Variants in DNAJB5 observed in about 807,000 individuals in gnomAD.
DNAJB5 encodes DnaJ heat shock protein family (Hsp40) member B5.
In DNAJB5, 12 loss-of-function variants were observed where a neutral mutation model predicts 32.6. The ratio of observed to expected loss-of-function variants is 0.37; its 90% confidence interval spans 0.24 to 0.60. The LOEUF (loss-of-function observed/expected upper bound fraction) is 0.60, where lower values mean the gene tolerates loss of function less well. Ranked by LOEUF, DNAJB5 falls within the 20% of genes least tolerant of loss-of-function variation. DNAJB5 has a pLI of 0.71. For missense variants in DNAJB5, 358 were observed against 554.2 expected (o/e 0.65, Z 3.55); for synonymous variants, 188 against 212.9 (o/e 0.88, Z 1.02).
chr9:34,997,154 G>A lies in DNAJB5; in HGVS notation c.1158G>A (p.Val386=). 1 of 1,614,132 alleles carries A rather than the reference G, an allele frequency of 6.2e-7. No homozygotes were observed. The highest frequency in any genetic ancestry group is 8.5e-7 in the Non-Finnish European group (1 of 1,180,030). ...GGGAGGGCCTTCCCTTCCCCAAAGT[G>A]CCAACTCAGCGAGGAGACCTCATTG... ...LRGEGLPFPK[V]PTQRGDLIVE... Residue 386 remains valine (V), a synonymous_variant, in exon 5 of 5, where the codon GTG becomes GTA. Coordinates refer to ENST00000682809, the MANE Select transcript of DNAJB5 (RefSeq NM_001349723.3). This position sits in a 1 kb window ranked among gnomAD's most constrained non-coding sequence, Gnocchi z 4.1.
intron 3 of DNAJB5, among the ~76,000 whole-genome samples, chr9:34,994,047 A>C (rs1827727806): frequency 6.6e-6 from 1 of 152,038 alleles, no homozygotes; most frequent in Non-Finnish European, 1.5e-5. Flanking sequence ...ATGGGGTGGG[A>C]GGCAGGAAAG....
At chr9:34,994,593 A>T (rs1185186240) in intron 3 of DNAJB5, among the ~76,000 whole-genome samples, 1 of 152,184 alleles carries the variant, frequency 6.6e-6, no homozygotes, top group Non-Finnish European at 1.5e-5. Context: ...TGCAGACACC[A>T]TGCCACCATG....
At position 34,996,938 on chromosome 9, in the gene DNAJB5, G is replaced by A; in HGVS notation, c.1029+72G>A. ...ACATTCCCTCTCTTCCCGCCAGCTGGCACATTCTTTCCCCACCTCAGTCTA... is the reference window on the plus strand; with the variant it reads ...ACATTCCCTCTCTTCCCGCCAGCTGACACATTCTTTCCCCACCTCAGTCTA... On this transcript the variant is annotated intron_variant, in intron 4 of 4. Coordinates refer to ENST00000682809, the MANE Select transcript of DNAJB5 (RefSeq NM_001349723.3). The surrounding 1 kb of genome is among the most constrained non-coding windows in gnomAD (Gnocchi z 7.2). 3.8e-6 allele frequency: 6 copies of A among 1,587,830 alleles called. No homozygotes were observed. The highest frequency in any genetic ancestry group is 5.1e-6 in the Non-Finnish European group (6 of 1,169,066).
chr9:34,996,085 T>C lies in DNAJB5; in HGVS notation c.428-180T>C, dbSNP rs1475100076. 1.3e-5 allele frequency among the ~76,000 whole-genome samples: 2 copies of C among 152,270 alleles called. No individual in the cohort carries two copies. Among genetic ancestry groups the C allele is most frequent in the African/African-American group, 2.4e-5 (1 of 41,540 alleles). ...TGTGCATCGTTATTAAATATATAATTAGGAATGGAAGATAATCTTGCCAGA... is the reference window on the plus strand; with the variant it reads ...TGTGCATCGTTATTAAATATATAATCAGGAATGGAAGATAATCTTGCCAGA... On this transcript the variant is annotated intron_variant, in intron 3 of 4. Coordinates refer to ENST00000682809, the MANE Select transcript of DNAJB5 (RefSeq NM_001349723.3). The surrounding 1 kb of genome is among the most constrained non-coding windows in gnomAD (Gnocchi z 7.2).
intron 2 of DNAJB5, chr9:34,991,357 G>GA: frequency 2.2e-6 from 1 of 456,290 alleles, no homozygotes; most frequent in Non-Finnish European, 4.4e-6. Flanking sequence ...GGCAGATCCT[G>GA]AAAGAGCTTG....
chr9:34,990,232 G>T lies in DNAJB5; in HGVS notation c.-132-267G>T. The T allele has an allele frequency of 7.6e-7, 1 of 1,322,530 alleles. No homozygotes were observed. The highest frequency in any genetic ancestry group is 9.8e-7 in the Non-Finnish European group (1 of 1,018,300). 81.9% of individuals were successfully genotyped at this position (1,322,530 alleles called of 1,614,324 possible). On this transcript the variant is annotated intron_variant, in intron 1 of 4. Transcript: ENST00000682809. This position sits in a 1 kb window ranked among gnomAD's most constrained non-coding sequence, Gnocchi z 4.5. The stretch of plus-strand genomic sequence containing the variant: ...TGCCCCGCCCATCTGCGAGGGAGGA[G>T]ACTCCCGTCAGTGACTTCATTGAGT...
At position 34,997,642 on chromosome 9, in the gene DNAJB5, T is replaced by C. The variant is rs559416357; in HGVS notation, c.*383T>C. ...CTAATACCAGTCCCCTCCCTTCCCT[T>C]TGGCTTCCTGCTGTTGGGGGTGGAA... On this transcript the variant is annotated 3_prime_UTR_variant, in exon 5 of 5. Transcript: ENST00000682809. This position sits in a 1 kb window ranked among gnomAD's most constrained non-coding sequence, Gnocchi z 4.1. The C allele has an allele frequency of 8.3e-6, 3 of 363,272 alleles. No individual in the cohort carries two copies. Among genetic ancestry groups the C allele is most frequent in the Non-Finnish European group, 1.6e-5 (3 of 186,834 alleles). 22.5% of individuals were successfully genotyped at this position (363,272 alleles called of 1,614,324 possible). A position where few individuals can be genotyped will look rare whatever the true frequency, so the allele number is the denominator to read the frequency against.
chr9:34,993,181 G>C lies in DNAJB5; in HGVS notation c.183-19G>C, dbSNP rs756744789. 6.2e-7 allele frequency: 1 copy of C among 1,602,830 alleles called. No homozygotes were observed. ...GGCAGAAGAGAAGGCATCAAGTCTT[G>C]GCCCTGGGTTTCTTTCAGAAACAAG... On this transcript the variant is annotated intron_variant, in intron 2 of 4. Coordinates refer to ENST00000682809, the MANE Select transcript of DNAJB5 (RefSeq NM_001349723.3). The surrounding 1 kb of genome is among the most constrained non-coding windows in gnomAD (Gnocchi z 4.7).
At chr9:34,992,998 A>C in intron 2 of DNAJB5, 2 of 1,402,888 alleles carry the variant, frequency 1.4e-6, no homozygotes, top group African/African-American at 1.4e-5. Context: ...TGAGGACGGA[A>C]TCACAGAATT....
Position 34,996,248 on chromosome 9 carries a change from C to T in DNAJB5, c.428-17C>T, listed in dbSNP as rs1827789291. On this transcript the variant is annotated splice_polypyrimidine_tract_variant and intron_variant, in intron 3 of 4. Transcript: ENST00000682809. This position sits in a 1 kb window ranked among gnomAD's most constrained non-coding sequence, Gnocchi z 7.2. ...CCAGAATAAGCCACACTGCCCCTAACTTCTCCTCCCCTCTAGGCCTGAAGA... is the reference window on the plus strand; with the variant it reads ...CCAGAATAAGCCACACTGCCCCTAATTTCTCCTCCCCTCTAGGCCTGAAGA... 3 of 1,602,828 alleles carry T rather than the reference C, an allele frequency of 1.9e-6. No individual in the cohort carries two copies. The highest frequency in any genetic ancestry group is 2.2e-5 in the South Asian group (2 of 89,552).
rs974429616 is a variant in DNAJB5, at chr9:34,996,113, C to T, written c.428-152C>T. On this transcript the variant is annotated intron_variant, in intron 3 of 4. Coordinates refer to ENST00000682809, the MANE Select transcript of DNAJB5 (RefSeq NM_001349723.3). The surrounding 1 kb of genome is among the most constrained non-coding windows in gnomAD (Gnocchi z 7.2). The stretch of plus-strand genomic sequence containing the variant: ...GAATGGAAGATAATCTTGCCAGAAG[C>T]CTTTCTTACTCTATTAGCCTGGCCC... 8 of 971,884 alleles carry T rather than the reference C, an allele frequency of 8.2e-6. No homozygotes were observed. The highest frequency in any genetic ancestry group is 1.2e-5 in the Non-Finnish European group (8 of 677,630). The allele number at this position is 971,884 out of a possible 1,614,324, so 60.2% of individuals were successfully genotyped here.
chr9:34,995,547 C>T (rs958302051), intron 3 of DNAJB5, among the ~76,000 whole-genome samples: 6 of 152,230 alleles, frequency 3.9e-5, no homozygotes, highest in Non-Finnish European at 8.8e-5. Flanking sequence ...GAGCTCCATT[C>T]CCATTGTAGT....
In DNAJB5 at chr9:34,993,111, C is replaced by A. The variant is rs1041431310; in HGVS notation, c.183-89C>A. 6.1e-6 allele frequency: 9 copies of A among 1,485,400 alleles called. No individual in the cohort carries two copies. Among genetic ancestry groups the A allele is most frequent in the Non-Finnish European group, 8.0e-6 (9 of 1,121,656 alleles). The allele number at this position is 1,485,400 out of a possible 1,614,324, so 92.0% of individuals were successfully genotyped here. A position where few individuals can be genotyped will look rare whatever the true frequency, so the allele number is the denominator to read the frequency against. ...CAGGCATGACCTGCTGAAGGTTACC[C>A]AGGGAGTCATTTAGGGATTGCAAGA... On this transcript the variant is annotated intron_variant, in intron 2 of 4. Transcript: ENST00000682809. This position sits in a 1 kb window ranked among gnomAD's most constrained non-coding sequence, Gnocchi z 4.7.
intron 3 of DNAJB5, among the ~76,000 whole-genome samples, chr9:34,995,648 A>G (rs565840775): frequency 6.6e-6 from 1 of 152,330 alleles, no homozygotes; most frequent in East Asian, 1.9e-4. Context: ...CTTTTTCTAG[A>G]AAAATAGCTC....
Position 34,993,915 on chromosome 9 carries a change from G to A in DNAJB5, c.427+471G>A, listed in dbSNP as rs1827723259. The stretch of plus-strand genomic sequence containing the variant: ...TTTTCCCCTTCTCTCCCCCGGCCCT[G>A]CCTGCTTCTGGCCAGCAGAACAGAG... On this transcript the variant is annotated intron_variant, in intron 3 of 4. Coordinates refer to ENST00000682809, the MANE Select transcript of DNAJB5 (RefSeq NM_001349723.3). This position sits in a 1 kb window ranked among gnomAD's most constrained non-coding sequence, Gnocchi z 4.7. Among the ~76,000 whole-genome samples the A allele has an allele frequency of 6.6e-6, 1 of 152,226 alleles. No homozygotes were observed. The highest frequency in any genetic ancestry group is 2.1e-4 in the South Asian group (1 of 4,832).
chr9:34,990,178 G>A lies in DNAJB5; in HGVS notation c.-132-321G>A. On this transcript the variant is annotated intron_variant, in intron 1 of 4. Transcript: ENST00000682809. This position sits in a 1 kb window ranked among gnomAD's most constrained non-coding sequence, Gnocchi z 4.5. ...AGCCCCCTCCCCTCCTCTCCTCGCC[G>A]CGCCTTTTGTCCCGGCCGAGCTCCG... 3.1e-6 allele frequency: 2 copies of A among 655,668 alleles called. No homozygotes were observed. Among genetic ancestry groups the A allele is most frequent in the South Asian group, 2.2e-5 (1 of 45,258 alleles). 40.6% of individuals were successfully genotyped at this position (655,668 alleles called of 1,614,324 possible).
rs766028186 is a variant in DNAJB5 at position 34,990,011 on chromosome 9, C to T, written c.-133+180C>T. Reference sequence around the variant, plus strand: ...ACCAGGGCTTGGCTGTCACAGGGGGCAGCCAGCGTCTGAGTCGGGGAGGGG... The same window carrying T: ...ACCAGGGCTTGGCTGTCACAGGGGGTAGCCAGCGTCTGAGTCGGGGAGGGG... On this transcript the variant is annotated intron_variant, in intron 1 of 4. Transcript: ENST00000682809. This position sits in a 1 kb window ranked among gnomAD's most constrained non-coding sequence, Gnocchi z 4.5. Among the ~76,000 whole-genome samples, 4 of 148,910 alleles carry T rather than the reference C, an allele frequency of 2.7e-5. No individual in the cohort carries two copies. The highest frequency in any genetic ancestry group is 5.9e-5 in the Non-Finnish European group (4 of 67,394).
chr9:34,990,466 C>T lies in DNAJB5; in HGVS notation c.-132-33C>T, dbSNP rs755633648. Reference sequence around the variant, plus strand: ...CACCTGAGAGCAGGTGGCCGCGGGTCTTCTCCCTTCACTCTCCACATTTGG... The same window carrying T: ...CACCTGAGAGCAGGTGGCCGCGGGTTTTCTCCCTTCACTCTCCACATTTGG... On this transcript the variant is annotated intron_variant, in intron 1 of 4. Transcript: ENST00000682809. The surrounding 1 kb of genome is among the most constrained non-coding windows in gnomAD (Gnocchi z 4.5). 6.5e-6 allele frequency: 10 copies of T among 1,535,364 alleles called. No homozygotes were observed. In the African/African-American group the frequency reaches 1.2e-4, roughly 19 times the overall value.
intron 2 of DNAJB5, chr9:34,991,304 G>T (rs1344464458): frequency 2.2e-6 from 1 of 456,498 alleles, no homozygotes; most frequent in South Asian, 1.5e-5. Context: ...CCTGTGGGTA[G>T]GGGGGAAGGG....
Sources: gnomAD v4.1 joint callset for allele counts (sites outside exome capture counted in the v4.1 genomes callset) on GRCh38, gnomAD v4.1.1 for gene constraint, Gnocchi (gnomAD v3.1) non-coding constraint, MANE v1.5 for transcripts, NCBI Gene and HGNC (gene_info 2026-07-23, HGNC 2026-07-21) for gene names.